The following PPM1L variants were observed in gnomAD, a reference collection of about 807,000 sequenced individuals.
PPM1L encodes protein phosphatase, Mg2+/Mn2+ dependent 1L, also known as protein phosphatase 1L.
In PPM1L, 13 loss-of-function variants were observed where a neutral mutation model predicts 31.4. The ratio of observed to expected loss-of-function variants is 0.41; its 90% CI spans 0.27 to 0.66. The LOEUF (loss-of-function observed/expected upper bound fraction) is 0.66, where lower values mean the gene tolerates loss of function less well. Among genes scored for constraint, PPM1L ranks in the 30% least tolerant of loss-of-function variants. The pLI, the probability that PPM1L is intolerant of heterozygous loss-of-function variation, is 0.29. For synonymous variants in PPM1L, 184 were observed against 175.4 expected (o/e 1.05, Z -0.39); for missense variants, 326 against 453.7 (o/e 0.72, Z 2.56).
intron 1 of PPM1L, among the ~76,000 whole-genome samples, chr3:160,930,728 A>G (rs188218650): frequency 5.9e-5 from 9 of 152,308 alleles, no homozygotes; most frequent in Non-Finnish European, 1.2e-4. Context: ...GGAGTGGTGC[A>G]TGCTGTGGGT....
rs1446228936 is a variant in PPM1L, at chr3:160,933,835, G to T, written c.400-27901G>T. Among the ~76,000 whole-genome samples, 4 of 152,174 alleles carry T rather than the reference G, an allele frequency of 2.6e-5. No individual in the cohort carries two copies. The South Asian group carries it at 6.2e-4, about 24-fold the overall frequency. On this transcript the variant is annotated intron_variant, in intron 1 of 3. Coordinates refer to ENST00000498165, the MANE Select transcript of PPM1L (RefSeq NM_139245.4). ...ATCTGATTACATAAAAAAAGATTTT[G>T]ATACATAGCTTTGTATTTGTGAATT... is the stretch of plus-strand genomic sequence containing the variant.
intron 2 of PPM1L, among the ~76,000 whole-genome samples, chr3:161,006,443 A>C (rs1485480902): frequency 6.6e-6 from 1 of 152,230 alleles, no homozygotes; most frequent in East Asian, 1.9e-4. Context: ...AACCATGTGA[A>C]TATAGTTAAC....
intron 2 of PPM1L, among the ~76,000 whole-genome samples, chr3:161,035,303 G>C (rs1282778141): frequency 2.6e-5 from 4 of 152,086 alleles, no homozygotes; most frequent in African/African-American, 9.7e-5. Context: ...GAAAGAAGTG[G>C]TGAGCAATGC....
chr3:160,954,325 C>CT (rs548735019), intron 1 of PPM1L, among the ~76,000 whole-genome samples: 7 of 149,558 alleles, frequency 4.7e-5, no homozygotes, highest in Non-Finnish European at 4.5e-5. Context: ...TTAATTCACC[C>CT]TTTTTTTTTT....
chr3:160,778,237 T>G (rs1258250951), intron 1 of PPM1L, among the ~76,000 whole-genome samples: 6 of 152,128 alleles, frequency 3.9e-5, no homozygotes, highest in Non-Finnish European at 7.4e-5. Flanking sequence ...AGTTTTTTTT[T>G]GTCATTGTTG....
intron 1 of PPM1L, among the ~76,000 whole-genome samples, chr3:160,909,437 C>T (rs186913904): frequency 5.9e-5 from 9 of 152,158 alleles, no homozygotes; most frequent in Admixed American, 2.0e-4. Context: ...TTAACAAATT[C>T]GATTTTAGAC....
At chr3:160,894,600 A>G (rs1713271968) in intron 1 of PPM1L, among the ~76,000 whole-genome samples, 1 of 152,192 alleles carries the variant, frequency 6.6e-6, no homozygotes, top group African/African-American at 2.4e-5. Context: ...GCCTTGCCCA[A>G]GATCACAAAG....
intron 1 of PPM1L, among the ~76,000 whole-genome samples, chr3:160,811,407 G>A (rs542197135): frequency 6.6e-6 from 1 of 152,356 alleles, no homozygotes; most frequent in East Asian, 1.9e-4. Flanking sequence ...ACTATGGCCT[G>A]TGGCCAGTTT....
At chr3:160,777,754 A>G (rs1351806923) in intron 1 of PPM1L, among the ~76,000 whole-genome samples, 2 of 152,148 alleles carry the variant, frequency 1.3e-5, no homozygotes, top group Non-Finnish European at 2.9e-5. Context: ...TTGTTTATCC[A>G]TTCATTCATT....
chr3:161,055,068 A>G lies in PPM1L; in HGVS notation c.575-10335A>G, dbSNP rs181923476. On this transcript the variant is annotated intron_variant, in intron 2 of 3. Transcript: ENST00000498165. ...TCTTAGCCCAGCCACACACATTGAT[A>G]TGACTCTGATGATGGCCTGCCTCTC... Among the ~76,000 whole-genome samples the G allele has an allele frequency of 3.7e-4, 56 of 152,072 alleles. No homozygotes were observed. In the East Asian group the frequency reaches 9.1e-3, roughly 25 times the overall value.
chr3:160,765,559 A>G (rs1260188856), intron 1 of PPM1L, among the ~76,000 whole-genome samples: 1 of 152,220 alleles, frequency 6.6e-6, no homozygotes, highest in Non-Finnish European at 1.5e-5. Context: ...GTGATGCTTC[A>G]CATTCAAACA....
intron 2 of PPM1L, among the ~76,000 whole-genome samples, chr3:161,059,299 C>T (rs1357934737): frequency 6.6e-6 from 1 of 152,120 alleles, no homozygotes; most frequent in Non-Finnish European, 1.5e-5. Context: ...GAACTTTGGA[C>T]ATATCTGGGC....
intron 1 of PPM1L, among the ~76,000 whole-genome samples, chr3:160,952,483 C>G (rs1187209907): frequency 1.3e-5 from 2 of 152,140 alleles, no homozygotes; most frequent in East Asian, 3.9e-4. Context: ...CTTGTGAATA[C>G]CTTGTGATCA....
chr3:160,847,688 AG>A (rs1714125170), intron 1 of PPM1L, among the ~76,000 whole-genome samples: 1 of 152,178 alleles, frequency 6.6e-6, no homozygotes, highest in Admixed American at 6.6e-5. Context: ...AACAAAACAA[AG>A]CAAAAACCTC....
At chr3:160,994,441 C>T (rs1216752294) in intron 2 of PPM1L, among the ~76,000 whole-genome samples, 2 of 152,222 alleles carry the variant, frequency 1.3e-5, no homozygotes, top group African/African-American at 2.4e-5. Flanking sequence ...TGGCAATCTA[C>T]ATTCAACCCA....
chr3:160,819,076 A>G (rs1434994667), intron 1 of PPM1L, among the ~76,000 whole-genome samples: 1 of 151,826 alleles, frequency 6.6e-6, no homozygotes, highest in Non-Finnish European at 1.5e-5. Context: ...ATGGAATGGT[A>G]TAAACCATAA....
intron 1 of PPM1L, among the ~76,000 whole-genome samples, chr3:160,900,721 A>G (rs1430273452): frequency 6.6e-6 from 1 of 152,042 alleles, no homozygotes; most frequent in Non-Finnish European, 1.5e-5. Context: ...TACTGAGTTC[A>G]TTGTTCACTA....
At chr3:160,991,958 T>C (rs183262601) in intron 2 of PPM1L, among the ~76,000 whole-genome samples, 3 of 152,316 alleles carry the variant, frequency 2.0e-5, no homozygotes, top group African/African-American at 7.2e-5. Flanking sequence ...TCCAAGCTCT[T>C]GATGTGTATT....
At chr3:160,918,072 A>G (rs947979256) in intron 1 of PPM1L, among the ~76,000 whole-genome samples, 2 of 152,150 alleles carry the variant, frequency 1.3e-5, no homozygotes, top group Non-Finnish European at 2.9e-5. Context: ...CACAGGAGTC[A>G]CCCACCGATG....
Sources: gnomAD v4.1 joint callset for allele counts (sites outside exome capture counted in the v4.1 genomes callset) on GRCh38, gnomAD v4.1.1 for gene constraint, MANE v1.5 for transcripts, NCBI Gene and HGNC (gene_info 2026-07-23, HGNC 2026-07-21) for gene names.